ERBB4: variants seen among roughly 807,000 people sequenced by gnomAD.
The protein encoded by ERBB4 is erb-b2 receptor tyrosine kinase 4, also known as receptor tyrosine-protein kinase erbB-4.
A neutral mutation model predicts 158.0 loss-of-function variants in ERBB4; 42 were observed. That is an observed-to-expected ratio of 0.27 (90% CI 0.21 to 0.34). The LOEUF is 0.34. ERBB4 is among the 10% of genes least tolerant of loss of function. The pLI, the probability that ERBB4 is intolerant of heterozygous loss-of-function variation, is 1.00. For synonymous variants in ERBB4, 583 were observed against 558.7 expected, an observed-to-expected ratio of 1.04 and a Z score of -0.61; for missense variants, 1,333 against 1,624.1, an observed-to-expected ratio of 0.82 and a Z score of 3.08.
At chr2:212,010,399 T>G (rs1046675357) in intron 2 of ERBB4, among the ~76,000 whole-genome samples, 1 of 152,164 alleles carries the variant, frequency 6.6e-6, no homozygotes, top group Non-Finnish European at 1.5e-5. Flanking sequence ...TATTTATTTT[T>G]GAGAATCAAA....
At position 212,281,259 on chromosome 2, in the gene ERBB4, A is replaced by G. The variant is rs964186503; in HGVS notation, c.83-156356T>C. Among the ~76,000 whole-genome samples the G allele has an allele frequency of 2.6e-5, 4 of 151,686 alleles. No homozygotes were observed. The Admixed American group carries it at 2.6e-4, about 10-fold the overall frequency. On this transcript the variant is annotated intron_variant, in intron 1 of 27. Transcript: ENST00000342788. ...TGATGAATTTGCCTCCCTCTTTCCA[A>G]GATGTTTAAAGCACTATGTGAATTA...
chr2:211,470,811 A>G (rs1184075097), intron 20 of ERBB4, among the ~76,000 whole-genome samples: 2 of 152,174 alleles, frequency 1.3e-5, no homozygotes, highest in African/African-American at 2.4e-5. Flanking sequence ...ACCTTGCCCA[A>G]CTGTAATTTC....
chr2:211,719,868 GAAA>G (rs56887696), intron 7 of ERBB4, among the ~76,000 whole-genome samples: 1 of 76,788 alleles, frequency 1.3e-5, no homozygotes, highest in African/African-American at 3.7e-5. Flanking sequence ...ACAAAGAAAA[GAAA>G]AAAAAAAAAA....
At chr2:211,504,139 T>C (rs906990618) in intron 20 of ERBB4, among the ~76,000 whole-genome samples, 5 of 152,104 alleles carry the variant, frequency 3.3e-5, no homozygotes, top group African/African-American at 1.2e-4. Flanking sequence ...TGCCACCTAC[T>C]AGCCAGTAGG....
At chr2:212,137,632 C>A (rs1057241462) in intron 1 of ERBB4, among the ~76,000 whole-genome samples, 2 of 152,180 alleles carry the variant, frequency 1.3e-5, no homozygotes, top group Non-Finnish European at 2.9e-5. Context: ...CTGCAGTGAA[C>A]ATACACGTGC....
At chr2:212,216,158 A>G (rs2083093481) in intron 1 of ERBB4, among the ~76,000 whole-genome samples, 1 of 151,352 alleles carries the variant, frequency 6.6e-6, no homozygotes, top group South Asian at 2.1e-4. Flanking sequence ...AGATATAGCA[A>G]TGAGCATATT....
chr2:211,387,232 C>T (rs560177090), intron 26 of ERBB4, 82 bp from the exon 27 acceptor site: 11 of 1,114,190 alleles, frequency 9.9e-6, no homozygotes, highest in Non-Finnish European at 1.5e-5. Flanking sequence ...ACAAGGATAT[C>T]AAAGCCAGTC....
At chr2:211,991,953 G>A (rs189562051) in intron 2 of ERBB4, among the ~76,000 whole-genome samples, 1 of 152,008 alleles carries the variant, frequency 6.6e-6, no homozygotes, top group East Asian at 1.9e-4. Flanking sequence ...AGGGAGGGAG[G>A]GGACAGGACA....
intron 10 of ERBB4, among the ~76,000 whole-genome samples, chr2:211,704,910 A>T (rs1328493953): frequency 2.6e-5 from 4 of 152,126 alleles, no homozygotes. Context: ...TTTGAAAATT[A>T]GTTGCTGATT....
chr2:211,822,598 T>C (rs976664137), intron 3 of ERBB4, among the ~76,000 whole-genome samples: 6 of 151,912 alleles, frequency 3.9e-5, no homozygotes, highest in East Asian at 1.9e-4. Context: ...GAAAATTACA[T>C]GCACAAGGAT....
At chr2:211,885,818 T>C (rs1191535538) in intron 3 of ERBB4, among the ~76,000 whole-genome samples, 4 of 152,158 alleles carry the variant, frequency 2.6e-5, no homozygotes, top group African/African-American at 7.2e-5. Context: ...AGGGAAGCAA[T>C]ATCAGTTTAA....
intron 1 of ERBB4, among the ~76,000 whole-genome samples, chr2:212,141,093 T>A (rs570681100): frequency 3.3e-5 from 5 of 151,950 alleles, no homozygotes; most frequent in East Asian, 1.9e-4. Flanking sequence ...TTGTTTTGAA[T>A]TATTTAGGTT....
rs1390175229 is a variant in ERBB4, at chr2:211,453,762, C to A, written c.2488-22662G>T. ...GTTAGATCAGGCTGACATTAAAAAACGTGTCTATGGAATCTAAACAATAGA... is the reference window on the plus strand; with the variant it reads ...GTTAGATCAGGCTGACATTAAAAAAAGTGTCTATGGAATCTAAACAATAGA... On this transcript the variant is annotated intron_variant, in intron 20 of 27. Coordinates refer to ENST00000342788, the MANE Select transcript of ERBB4 (RefSeq NM_005235.3). Among the ~76,000 whole-genome samples the A allele has an allele frequency of 6.6e-5, 10 of 152,232 alleles. 1 individual carries two copies. The South Asian group carries it at 2.1e-3, about 32-fold the overall frequency.
intron 2 of ERBB4, among the ~76,000 whole-genome samples, chr2:211,951,513 T>C (rs1462993238): frequency 6.6e-6 from 1 of 152,140 alleles, no homozygotes; most frequent in Non-Finnish European, 1.5e-5. Context: ...AAAATATAAC[T>C]AAGAAAATCT....
chr2:212,227,351 G>A (rs1332237469), intron 1 of ERBB4, among the ~76,000 whole-genome samples: 1 of 151,916 alleles, frequency 6.6e-6, no homozygotes, highest in Non-Finnish European at 1.5e-5. Context: ...CACATGGAAA[G>A]CAGACTCAAA....
intron 3 of ERBB4, among the ~76,000 whole-genome samples, chr2:211,897,716 G>A (rs896877684): frequency 2.0e-5 from 3 of 151,834 alleles, no homozygotes; most frequent in Non-Finnish European, 4.4e-5. Context: ...GGAAGATTCT[G>A]TTTGCTTTTA....
chr2:212,347,327 TCTG>T (rs71878677), intron 1 of ERBB4, among the ~76,000 whole-genome samples: 37,550 of 151,926 alleles, frequency 0.25, 4,895 homozygotes, highest in Non-Finnish European at 0.28. Context: ...TCCGTTATTC[TCTG>T]CTGCTTTTAG....
rs73071234 is a variant in ERBB4, at chr2:212,149,989, A to G, written c.83-25086T>C. The stretch of plus-strand genomic sequence containing the variant: ...TCTAAAGGAATCCTAGGCAAGCAGC[A>G]GGCACTCAACAGATATTTGTTCATT... On this transcript the variant is annotated intron_variant, in intron 1 of 27. Coordinates refer to ENST00000342788, the MANE Select transcript of ERBB4 (RefSeq NM_005235.3). Among the ~76,000 whole-genome samples the G allele has an allele frequency of 1.8e-3, 269 of 152,294 alleles. 1 individual carries two copies. The highest frequency in any genetic ancestry group is 6.2e-3 in the African/African-American group (257 of 41,564).
chr2:211,671,466 T>C (rs1273790631), intron 14 of ERBB4, among the ~76,000 whole-genome samples: 1 of 152,130 alleles, frequency 6.6e-6, no homozygotes, highest in Non-Finnish European at 1.5e-5. Context: ...TAGAAAATTG[T>C]AATAAGATAT....
Sources: gnomAD v4.1 joint callset for allele counts (sites outside exome capture counted in the v4.1 genomes callset) on GRCh38, gnomAD v4.1.1 for gene constraint, MANE v1.5 for transcripts, NCBI Gene and HGNC (gene_info 2026-07-23, HGNC 2026-07-21) for gene names.